MLIP: variants seen among roughly 807,000 people sequenced by gnomAD.
MLIP encodes the protein muscular LMNA-interacting protein.
A neutral mutation model predicts 84.8 loss-of-function variants in MLIP; 79 were observed. The observed-to-expected ratio is 0.93, with a 90% confidence interval of 0.78 to 1.12. MLIP has a LOEUF of 1.12. Among genes scored for constraint, MLIP ranks in the 50% most tolerant of loss-of-function variants. The pLI, the probability that MLIP is intolerant of heterozygous loss-of-function variation, is 0.00. For synonymous variants in MLIP, 504 were observed against 463.0 expected (o/e 1.09, Z -1.14); for missense variants, 1,257 against 1,160.6 (o/e 1.08, Z -1.21).
chr6:54,078,691 CTT>C (rs70980890), intron 1 of MLIP, among the ~76,000 whole-genome samples: 2 of 133,332 alleles, frequency 1.5e-5, no homozygotes, highest in Non-Finnish European at 3.1e-5. Flanking sequence ...TTCTTTCTTT[CTT>C]TTTTTTTTTT....
At chr6:54,107,337 CT>C (rs561625967), upstream of MLIP, among the ~76,000 whole-genome samples, 83 of 152,286 alleles carry the variant, frequency 5.5e-4, no homozygotes, top group Non-Finnish European at 1.1e-3. Flanking sequence ...AAGTAGAAGT[CT>C]GTGTCCAATA....
At chr6:54,034,721 ATTAAT>A (rs1764331205) in intron 1 of MLIP, among the ~76,000 whole-genome samples, 1 of 152,152 alleles carries the variant, frequency 6.6e-6, no homozygotes, top group Admixed American at 6.5e-5. Flanking sequence ...GTAAGCTAAG[ATTAAT>A]TTATTATTGA....
chr6:54,020,561 G>A (rs1763439514), intron 1 of MLIP, among the ~76,000 whole-genome samples: 1 of 152,174 alleles, frequency 6.6e-6, no homozygotes, highest in African/African-American at 2.4e-5. Context: ...GAAGTTTTGC[G>A]AGTAAACAGA....
chr6:54,029,896 G>A lies in MLIP; in HGVS notation c.63+10805G>A, dbSNP rs1278901981. ...GGGCTCCTATGTGCTTAACCTAAAT[G>A]AGCCACCATTTTCTCATGTGTATAA... is the stretch of plus-strand genomic sequence containing the variant. On this transcript the variant is annotated intron_variant, in intron 1 of 12. Coordinates refer to the MLIP transcript ENST00000274897. Among the ~76,000 whole-genome samples, 7 of 152,246 alleles carry A rather than the reference G, an allele frequency of 4.6e-5. No individual in the cohort carries two copies. The East Asian group carries it at 1.2e-3, about 25-fold the overall frequency.
chr6:54,117,313 C>A (rs1770015480), intron 1 of MLIP, among the ~76,000 whole-genome samples: 1 of 147,448 alleles, frequency 6.8e-6, no homozygotes, highest in Non-Finnish European at 1.5e-5. Context: ...CTCCCAGGTT[C>A]ATGCTGTTCT....
At chr6:54,231,460 T>A (rs1780994368) in intron 12 of MLIP, among the ~76,000 whole-genome samples, 1 of 85,966 alleles carries the variant, frequency 1.2e-5, no homozygotes, top group South Asian at 4.8e-4. Context: ...ACCTGAAGTG[T>A]GTGTGTGCGT....
chr6:54,139,962 A>G (rs1266178771), intron 4 of MLIP, among the ~76,000 whole-genome samples: 1 of 152,168 alleles, frequency 6.6e-6, no homozygotes, highest in Non-Finnish European at 1.5e-5. Flanking sequence ...TTAAACATTC[A>G]AAGAAAATGA....
At chr6:54,184,795 C>G (rs1777227149) in intron 9 of MLIP, among the ~76,000 whole-genome samples, 1 of 152,080 alleles carries the variant, frequency 6.6e-6, no homozygotes, top group African/African-American at 2.4e-5. Context: ...GCCCATCTCT[C>G]TCTTTCTCTC....
chr6:54,078,199 T>C (rs1207358379), intron 1 of MLIP, among the ~76,000 whole-genome samples: 1 of 152,224 alleles, frequency 6.6e-6, no homozygotes, highest in Non-Finnish European at 1.5e-5. Context: ...TTTTCTTTAA[T>C]TTCTACCTAA....
chr6:54,241,899 T>C (rs1781761751), intron 12 of MLIP, among the ~76,000 whole-genome samples: 1 of 152,188 alleles, frequency 6.6e-6, no homozygotes, highest in African/African-American at 2.4e-5. Flanking sequence ...CTTCTCTATG[T>C]AAAGAATCAC....
intron 3 of MLIP, among the ~76,000 whole-genome samples, chr6:54,135,326 T>TTTA (rs1771708494): frequency 6.6e-6 from 1 of 152,138 alleles, no homozygotes; most frequent in Non-Finnish European, 1.5e-5. Flanking sequence ...TCAGGTGTTA[T>TTTA]TTATGTAGCA....
At chr6:54,085,448 G>C (rs1025138365) in intron 1 of MLIP, among the ~76,000 whole-genome samples, 3 of 152,160 alleles carry the variant, frequency 2.0e-5, no homozygotes, top group Admixed American at 6.5e-5. Flanking sequence ...CCATGAGAAA[G>C]TACTTAATAA....
chr6:54,174,814 T>G (rs536187469), intron 9 of MLIP, among the ~76,000 whole-genome samples: 1 of 152,068 alleles, frequency 6.6e-6, no homozygotes, highest in Non-Finnish European at 1.5e-5. Context: ...ACTGGAGAAA[T>G]TTTTGCCCAG....
intron 1 of MLIP, among the ~76,000 whole-genome samples, chr6:54,026,568 C>A (rs1763813900): frequency 6.6e-6 from 1 of 152,122 alleles, no homozygotes; most frequent in African/African-American, 2.4e-5. Flanking sequence ...CCATGAGGAT[C>A]ATTGGGAAAT....
At chr6:54,047,098 A>C (rs1462864467) in intron 1 of MLIP, 1 of 152,212 alleles carries the variant, frequency 6.6e-6, no homozygotes, top group Non-Finnish European at 1.5e-5. Context: ...TTGAAGCTGT[A>C]ATTCTTGGTC....
Position 54,230,849 on chromosome 6 carries a change from CTGTCCT to C in MLIP, c.2856_2861del (p.Phe954_Ser955del). The C allele has an allele frequency of 2.5e-6, 4 of 1,614,078 alleles. No individual in the cohort carries two copies. Among genetic ancestry groups the C allele is most frequent in the Non-Finnish European group, 3.4e-6 (4 of 1,179,978 alleles). On this transcript the variant is annotated inframe_deletion, in exon 12 of 14. Transcript: ENST00000502396. Reference sequence around the variant, plus strand: ...TCTTGCCCCAGGACCCTTCAGTCATCTGTCCTTCTCCTTGAGTGATGAACAGGAGAA... The same window carrying C: ...TCTTGCCCCAGGACCCTTCAGTCATCTCTCCTTGAGTGATGAACAGGAGAA...
Position 54,205,410 on chromosome 6 carries a change from A to G in MLIP, c.2718+3177A>G, listed in dbSNP as rs188304988. On this transcript the variant is annotated intron_variant, in intron 11 of 13. Transcript: ENST00000502396. ...CAAATGGAAGTAGCTCACAGTCACT[A>G]ATCTGCCTTGTACTGGGGACAGTTC... Among the ~76,000 whole-genome samples, 539 of 152,336 alleles carry G rather than the reference A, an allele frequency of 3.5e-3. 4 individuals carry two copies. Among genetic ancestry groups the G allele is most frequent in the African/African-American group, 0.012 (484 of 41,584 alleles).
At position 54,236,434 on chromosome 6, in the gene MLIP, C is replaced by T. The variant is rs530769747; in HGVS notation, c.2922+5517C>T. ...TGGCCAACATGGTGAAACCACGTCT[C>T]TACTAAAAATACAAAAGATTAGCCA... is the stretch of plus-strand genomic sequence containing the variant. On this transcript the variant is annotated intron_variant, in intron 12 of 13. Coordinates refer to ENST00000502396, the MANE Select transcript of MLIP (RefSeq NM_001281747.2). Among the ~76,000 whole-genome samples the T allele has an allele frequency of 3.7e-4, 56 of 152,254 alleles. 1 individual carries two copies. Among genetic ancestry groups the T allele is most frequent in the African/African-American group, 9.6e-4 (40 of 41,560 alleles).
At chr6:54,210,959 C>CT (rs1779409139) in intron 11 of MLIP, among the ~76,000 whole-genome samples, 1 of 152,084 alleles carries the variant, frequency 6.6e-6, no homozygotes, top group South Asian at 2.1e-4. Context: ...GTTGGGAGGG[C>CT]TGGGTGCAGT....
Sources: gnomAD v4.1 joint callset for allele counts (sites outside exome capture counted in the v4.1 genomes callset) on GRCh38, gnomAD v4.1.1 for gene constraint, MANE v1.5 for transcripts, NCBI Gene and HGNC (gene_info 2026-07-23, HGNC 2026-07-21) for gene names.